PARD6G: variants seen among roughly 807,000 people sequenced by gnomAD.
The protein encoded by PARD6G is par-6 family cell polarity regulator gamma.
Under a neutral mutation model 10.7 loss-of-function variants are expected in PARD6G, and 7 were observed. That is an observed-to-expected ratio of 0.66 (90% CI 0.37 to 1.23). PARD6G has a LOEUF of 1.23. Ranked by LOEUF, PARD6G falls within the 50% of genes most tolerant of loss-of-function variation. The pLI, the probability that PARD6G is intolerant of heterozygous loss-of-function variation, is 0.02. For missense variants in PARD6G, 548 were observed against 571.8 expected, an observed-to-expected ratio of 0.96 and a Z score of 0.42; for synonymous variants, 287 against 269.4, an observed-to-expected ratio of 1.07 and a Z score of -0.64.
chr18:80,231,504 A>G lies in PARD6G; in HGVS notation c.72+15773T>C, dbSNP rs944941030. Among the ~76,000 whole-genome samples the G allele has an allele frequency of 4.6e-5, 7 of 152,202 alleles. No homozygotes were observed. Among genetic ancestry groups the G allele is most frequent in the Admixed American group, 3.9e-4 (6 of 15,274 alleles). ...AGTTGTACAAATACAGACAGACAAC[A>G]TAGCAAAGCTGCAAAGAGCCAGGCT... On this transcript the variant is annotated intron_variant, in intron 1 of 2. Transcript: ENST00000353265. This position sits in a 1 kb window ranked among gnomAD's most constrained non-coding sequence, Gnocchi z 4.2.
At chr18:80,177,361 T>TACACAC (rs112789791) in intron 2 of PARD6G, among the ~76,000 whole-genome samples, 1 of 114,334 alleles carries the variant, frequency 8.7e-6, no homozygotes, top group Non-Finnish European at 1.8e-5. Flanking sequence ...CATACACATG[T>TACACAC]ACACACACAC....
At position 80,181,701 on chromosome 18, in the gene PARD6G, G is replaced by A. The variant is rs1024474297; in HGVS notation, c.295+21009C>T. ...TCTCTCTGCTGCCAACCTGGAGCCT[G>A]GCCCTTCCCTCCTTCCTGGCTGGAA... On this transcript the variant is annotated intron_variant, in intron 2 of 2. Coordinates refer to ENST00000353265, the MANE Select transcript of PARD6G (RefSeq NM_032510.4). The surrounding 1 kb of genome is among the most constrained non-coding windows in gnomAD (Gnocchi z 7.9). Among the ~76,000 whole-genome samples the A allele has an allele frequency of 2.6e-5, 4 of 152,072 alleles. No homozygotes were observed. Among genetic ancestry groups the A allele is most frequent in the South Asian group, 4.1e-4 (2 of 4,824 alleles).
chr18:80,196,165 T>C (rs181527569), intron 2 of PARD6G, among the ~76,000 whole-genome samples: 1 of 152,338 alleles, frequency 6.6e-6, no homozygotes, highest in African/African-American at 2.4e-5. Flanking sequence ...ATGTCCACCA[T>C]TGATGTATGT....
intron 2 of PARD6G, among the ~76,000 whole-genome samples, chr18:80,195,397 G>GT (rs756258449): frequency 1.3e-5 from 2 of 151,634 alleles, no homozygotes; most frequent in African/African-American, 4.8e-5. Context: ...GGGCAGCCAT[G>GT]TACCTGGCCC....
rs188675454 is a variant in PARD6G at position 80,226,233 on chromosome 18, T to C, written c.72+21044A>G. 1.3e-3 allele frequency among the ~76,000 whole-genome samples: 194 copies of C among 148,084 alleles called. 7 individuals carry two copies. The highest frequency in any genetic ancestry group is 0.011 in the Admixed American group (166 of 14,626). On this transcript the variant is annotated intron_variant, in intron 1 of 2. Coordinates refer to ENST00000353265, the MANE Select transcript of PARD6G (RefSeq NM_032510.4). The stretch of plus-strand genomic sequence containing the variant: ...TTGCGCAGGCTGGAGTGCAATAGTG[T>C]GATCTTGGCTCACCGCAACCTCCGC...
At position 80,178,549 on chromosome 18, in the gene PARD6G, C is replaced by G. The variant is rs183537565; in HGVS notation, c.296-17943G>C. The G allele has an allele frequency of 3.2e-3, 488 of 152,514 alleles. 2 individuals carry two copies. The highest frequency in any genetic ancestry group is 6.8e-3 in the Middle Eastern group (2 of 296). 9.4% of individuals were successfully genotyped at this position (152,514 alleles called of 1,614,324 possible). On this transcript the variant is annotated intron_variant, in intron 2 of 2. Transcript: ENST00000353265. ...CCTCAAGCGCATTTCCAGTGTCCAG[C>G]CTGGCTTTCTGATCATTTTTGCTTT...
intron 2 of PARD6G, among the ~76,000 whole-genome samples, chr18:80,167,895 G>T (rs1424922115): frequency 6.6e-6 from 1 of 152,154 alleles, no homozygotes; most frequent in Admixed American, 6.5e-5. Context: ...ACAGGAGGTT[G>T]ATGAGCTAAG....
At chr18:80,186,818 A>C (rs763674452) in intron 2 of PARD6G, among the ~76,000 whole-genome samples, 11 of 152,146 alleles carry the variant, frequency 7.2e-5, no homozygotes, top group Non-Finnish European at 1.5e-4. Flanking sequence ...GAACCACCTT[A>C]AGAAATCAAG....
chr18:80,185,593 A>G (rs1158879585), intron 2 of PARD6G, among the ~76,000 whole-genome samples: 1 of 151,926 alleles, frequency 6.6e-6, no homozygotes, highest in Non-Finnish European at 1.5e-5. Context: ...CCTGGAACAC[A>G]AGGGACACGC....
intron 1 of PARD6G, among the ~76,000 whole-genome samples, chr18:80,219,331 C>A (rs992069308): frequency 6.6e-6 from 1 of 152,126 alleles, no homozygotes; most frequent in Non-Finnish European, 1.5e-5. Flanking sequence ...GCCTCAGCCA[C>A]CTGAATAGCT....
At chr18:80,233,558 G>C (rs914513167) in intron 1 of PARD6G, among the ~76,000 whole-genome samples, 2 of 152,202 alleles carry the variant, frequency 1.3e-5, no homozygotes, top group Non-Finnish European at 2.9e-5. Flanking sequence ...CAGGACTGTG[G>C]GTGGAAAGCC....
At chr18:80,222,395 CTT>C (rs1967241581) in intron 1 of PARD6G, among the ~76,000 whole-genome samples, 1 of 152,054 alleles carries the variant, frequency 6.6e-6, no homozygotes, top group South Asian at 2.1e-4. Flanking sequence ...AGCCGGAAGA[CTT>C]AATATTGTTA....
Position 80,181,489 on chromosome 18 carries a change from C to T in PARD6G, c.296-20883G>A, listed in dbSNP as rs552076324. Among the ~76,000 whole-genome samples, 67 of 152,260 alleles carry T rather than the reference C, an allele frequency of 4.4e-4. 1 individual carries two copies. In the Middle Eastern group the frequency reaches 0.01, roughly 23 times the overall value. On this transcript the variant is annotated intron_variant, in intron 2 of 2. Coordinates refer to ENST00000353265, the MANE Select transcript of PARD6G (RefSeq NM_032510.4). The surrounding 1 kb of genome is among the most constrained non-coding windows in gnomAD (Gnocchi z 7.9). ...AAGGCCTCATCTCCATACAGCGCTG[C>T]GGCCAGCTGGTGACAGGTCTCAAAG...
In PARD6G at chr18:80,175,340, T is replaced by A. The variant is rs2052801906; in HGVS notation, c.296-14734A>T. Among the ~76,000 whole-genome samples the A allele has an allele frequency of 6.6e-6, 1 of 152,210 alleles. No homozygotes were observed. Among genetic ancestry groups the A allele is most frequent in the South Asian group, 2.1e-4 (1 of 4,828 alleles). The stretch of plus-strand genomic sequence containing the variant: ...CAGTTCTGGAGGCTGGAAAGTCCCA[T>A]ATCAAGGTCCGGCTTGTAACAGTTT... On this transcript the variant is annotated intron_variant, in intron 2 of 2. Transcript: ENST00000353265. This position sits in a 1 kb window ranked among gnomAD's most constrained non-coding sequence, Gnocchi z 6.7.
At chr18:80,213,906 C>T (rs895998567) in intron 1 of PARD6G, among the ~76,000 whole-genome samples, 9 of 137,230 alleles carry the variant, frequency 6.6e-5, no homozygotes, top group East Asian at 2.1e-4. Flanking sequence ...TGCAATGAGC[C>T]GAGATCATGC....
At chr18:80,166,235 A>G (rs1443223988) in intron 2 of PARD6G, among the ~76,000 whole-genome samples, 1 of 151,744 alleles carries the variant, frequency 6.6e-6, no homozygotes, top group Non-Finnish European at 1.5e-5. Context: ...TGGACACCGT[A>G]TGGTCAGGTC....
At chr18:80,177,226 A>ACG (rs1224873512) in intron 2 of PARD6G, among the ~76,000 whole-genome samples, 7 of 147,400 alleles carry the variant, frequency 4.7e-5, no homozygotes, top group African/African-American at 1.8e-4. Context: ...GCGCACACAC[A>ACG]CACACACACA....
chr18:80,243,189 T>C (rs192488376), intron 1 of PARD6G, among the ~76,000 whole-genome samples: 35 of 152,340 alleles, frequency 2.3e-4, no homozygotes, highest in Admixed American at 5.2e-4. Context: ...CACTGTTTAC[T>C]GTGGAAAAAA....
intron 1 of PARD6G, among the ~76,000 whole-genome samples, chr18:80,210,479 T>C (rs775089189): frequency 3.9e-5 from 6 of 152,110 alleles, no homozygotes; most frequent in Non-Finnish European, 8.8e-5. Flanking sequence ...AGTCTGGAAG[T>C]TCCCCAAAGC....
Sources: allele counts gnomAD v4.1 joint callset (sites outside exome capture counted in the v4.1 genomes callset), GRCh38; gene constraint gnomAD v4.1.1; non-coding constraint Gnocchi (gnomAD v3.1); transcripts MANE v1.5; gene names NCBI Gene and HGNC (gene_info 2026-07-23, HGNC 2026-07-21).